CA5B: variants seen among roughly 807,000 people sequenced by gnomAD.
CA5B encodes the protein carbonic anhydrase 5B, mitochondrial.
In CA5B, 15 loss-of-function variants were observed where a neutral mutation model predicts 23.1. The observed-to-expected ratio is 0.65, with a 90% CI of 0.43 to 1.00. The LOEUF (loss-of-function observed/expected upper bound fraction) is 1.00, where lower values mean the gene tolerates loss of function less well. Ranked by LOEUF, CA5B falls within the 50% of genes least tolerant of loss-of-function variation. The pLI is 0.00. For missense variants in CA5B, 236 were observed against 252.2 expected (o/e 0.94, Z 0.43); for synonymous variants, 84 against 98.5 (o/e 0.85, Z 0.87).
intron 1 of CA5B, among the ~76,000 whole-genome samples, chrX:15,745,890 C>T (rs1249903327): frequency 9.0e-6 from 1 of 111,436 alleles, no homozygotes; most frequent in African/African-American, 3.3e-5. Context: ...TAGCTTTTTG[C>T]ATTTATATGA....
rs926722773 is a variant in CA5B, at chrX:15,764,597, C to T, written c.162C>T (p.Ser54=). 1.4e-5 allele frequency: 17 copies of T among 1,202,627 alleles called. No homozygotes were observed. In the East Asian group the frequency reaches 3.6e-4, roughly 25 times the overall value. ...TCCTAGTGCATCCACTCTGGGAGAG[C>T]GTGGACCTGGTTCCTGGGGGCGATC... The part of the protein sequence containing the change: ...RNRALHPLWE[S]VDLVPGGDRQ... The change falls in exon 3 of 8, where the codon AGC becomes AGT. Residue 54 remains serine, a synonymous_variant. Coordinates refer to ENST00000318636, the MANE Select transcript of CA5B (RefSeq NM_007220.4).
chrX:15,779,189 A>G (rs1025213520), intron 7 of CA5B, among the ~76,000 whole-genome samples: 51 of 111,380 alleles, frequency 4.6e-4, no homozygotes, highest in African/African-American at 1.6e-3. Flanking sequence ...GTAGATTTCT[A>G]TCTTGGTCTG....
chrX:15,747,822 TCTCACAC>T (rs1931266133), intron 1 of CA5B, among the ~76,000 whole-genome samples: 2 of 111,117 alleles, frequency 1.8e-5, no homozygotes, highest in South Asian at 7.6e-4. Context: ...GGGTTCGGTG[TCTCACAC>T]GGAGAAGATT....
At chrX:15,767,846 C>A (rs1380252822) in intron 3 of CA5B, among the ~76,000 whole-genome samples, 1 of 103,081 alleles carries the variant, frequency 9.7e-6, no homozygotes, top group Non-Finnish European at 2.0e-5. Flanking sequence ...GATCCACCTG[C>A]CTCGGCCTCC....
chrX:15,743,960 C>T (rs1245837206), intron 1 of CA5B, among the ~76,000 whole-genome samples: 9 of 111,844 alleles, frequency 8.0e-5, no homozygotes, highest in Non-Finnish European at 1.3e-4. Flanking sequence ...CAGCACCATT[C>T]TGGGGCACAG....
At chrX:15,763,778 C>G (rs1027865146) in intron 2 of CA5B, among the ~76,000 whole-genome samples, 1 of 111,871 alleles carries the variant, frequency 8.9e-6, no homozygotes, top group Non-Finnish European at 1.9e-5. Flanking sequence ...TGGGACAGTC[C>G]AAGACACAGG....
chrX:15,768,182 C>T (rs989029641), intron 3 of CA5B, among the ~76,000 whole-genome samples: 2 of 110,742 alleles, frequency 1.8e-5, no homozygotes, highest in African/African-American at 6.6e-5. Context: ...TAGGTGTGAG[C>T]CACTGCTCCC....
intron 7 of CA5B, among the ~76,000 whole-genome samples, chrX:15,781,073 C>T: frequency 9.2e-6 from 1 of 109,234 alleles, no homozygotes; most frequent in African/African-American, 3.3e-5. Flanking sequence ...GGCGCGATCT[C>T]GGCTCACTGC....
intron 2 of CA5B, among the ~76,000 whole-genome samples, chrX:15,751,251 A>G (rs991348713): frequency 3.6e-5 from 4 of 112,510 alleles, no homozygotes; most frequent in Non-Finnish European, 7.5e-5. Flanking sequence ...CCATATGCAC[A>G]TAATAAAAAG....
chrX:15,767,944 G>A (rs113285954), intron 3 of CA5B, among the ~76,000 whole-genome samples: 2 of 96,010 alleles, frequency 2.1e-5, no homozygotes, highest in African/African-American at 8.0e-5. Context: ...TGTCGCCCAG[G>A]CTGGAGTGCA....
At chrX:15,773,010 A>G (rs183444853) in intron 4 of CA5B, among the ~76,000 whole-genome samples, 3 of 111,417 alleles carry the variant, frequency 2.7e-5, no homozygotes, top group Admixed American at 1.9e-4. Flanking sequence ...AATTAAAGCA[A>G]CAGGACTTGA....
rs757549333 is a variant in CA5B at position 15,775,847 on chromosome X, C to A, written c.618+539C>A. On this transcript the variant is annotated intron_variant, in intron 6 of 7. Coordinates refer to ENST00000318636, the MANE Select transcript of CA5B (RefSeq NM_007220.4). ...GTATCCCTCTGGTCCCCACCTCTTTCCCTCTCCTTTCCTCTCTGGAAGCCC... is the reference window on the plus strand; with the variant it reads ...GTATCCCTCTGGTCCCCACCTCTTTACCTCTCCTTTCCTCTCTGGAAGCCC... The A allele has an allele frequency of 9.3e-4, 692 of 744,532 alleles. 5 individuals are homozygous for A. In the African/African-American group the frequency reaches 0.015, roughly 16 times the overall value. The allele number at this position is 744,532 out of a possible 1,213,427, so 61.4% of individuals were successfully genotyped here.
chrX:15,752,584 G>A (rs1931389170), intron 2 of CA5B, among the ~76,000 whole-genome samples: 1 of 111,091 alleles, frequency 9.0e-6, no homozygotes, highest in African/African-American at 3.3e-5. Context: ...AATTAGCCAG[G>A]CGTGGTGGTG....
At chrX:15,771,685 G>A (rs374367263) in intron 3 of CA5B, among the ~76,000 whole-genome samples, 10 of 107,858 alleles carry the variant, frequency 9.3e-5, no homozygotes, top group East Asian at 5.9e-4. Flanking sequence ...TGAGCCACCC[G>A]CTTCAGCCTC....
At chrX:15,776,420 C>T (rs776198102) in intron 6 of CA5B, among the ~76,000 whole-genome samples, 1 of 110,722 alleles carries the variant, frequency 9.0e-6, no homozygotes. Flanking sequence ...TAAAACCTCT[C>T]AACAAAACTC....
intron 2 of CA5B, among the ~76,000 whole-genome samples, chrX:15,757,770 G>A (rs1304200995): frequency 3.6e-5 from 4 of 110,051 alleles, no homozygotes; most frequent in Non-Finnish European, 7.6e-5. Context: ...TGTAAGAAGA[G>A]TAGCATGCTA....
intron 1 of CA5B, among the ~76,000 whole-genome samples, chrX:15,738,620 A>G (rs1005688089): frequency 9.9e-5 from 11 of 110,926 alleles, no homozygotes; most frequent in African/African-American, 3.6e-4. Context: ...TTCTTTGCAC[A>G]GGACGCGATA....
At chrX:15,766,807 AAGTTT>A in intron 3 of CA5B, 1 of 253,959 alleles carries the variant, frequency 3.9e-6, no homozygotes, top group Non-Finnish European at 7.3e-6. Context: ...TAGTGGGTAT[AAGTTT>A]AGTTTTGTTT....
intron 3 of CA5B, among the ~76,000 whole-genome samples, chrX:15,766,188 C>T (rs1208414187): frequency 1.9e-5 from 2 of 104,157 alleles, no homozygotes; most frequent in African/African-American, 7.0e-5. Flanking sequence ...AGTAAATATT[C>T]ACTCCTGCAT....
Sources: gnomAD v4.1 joint callset for allele counts (sites outside exome capture counted in the v4.1 genomes callset) on GRCh38, gnomAD v4.1.1 for gene constraint, MANE v1.5 for transcripts, NCBI Gene and HGNC (gene_info 2026-07-23, HGNC 2026-07-21) for gene names.